The following GAREM1 variants were observed in gnomAD, a reference collection of about 807,000 sequenced individuals.
GAREM1 encodes GRB2-associated and regulator of MAPK protein 1.
A neutral mutation model predicts 71.3 loss-of-function variants in GAREM1; 26 were observed. That is an observed-to-expected ratio of 0.36 (90% confidence interval 0.27 to 0.51). GAREM1 has a LOEUF of 0.51. GAREM1 is among the 20% of genes least tolerant of loss of function. GAREM1 has a pLI of 0.95. For synonymous variants in GAREM1, 440 were observed against 433.2 expected (o/e 1.02, Z -0.20); for missense variants, 1,026 against 1,103.1 (o/e 0.93, Z 0.99).
At chr18:32,429,367 T>G (rs1303634362) in intron 1 of GAREM1, among the ~76,000 whole-genome samples, 2 of 152,236 alleles carry the variant, frequency 1.3e-5, no homozygotes. Flanking sequence ...GGATTATTTC[T>G]ATCATAAGAA....
At chr18:32,319,598 A>G (rs970549735) in intron 2 of GAREM1, among the ~76,000 whole-genome samples, 9 of 152,222 alleles carry the variant, frequency 5.9e-5, no homozygotes, top group African/African-American at 2.2e-4. Flanking sequence ...AGACTTTTAA[A>G]GACTGCCTAA....
chr18:32,442,819 T>C (rs920315874), intron 1 of GAREM1, among the ~76,000 whole-genome samples: 4 of 152,176 alleles, frequency 2.6e-5, no homozygotes, highest in African/African-American at 9.7e-5. Context: ...GATATTGTTC[T>C]AGAACAGAGA....
intron 1 of GAREM1, among the ~76,000 whole-genome samples, chr18:32,445,016 C>A (rs2048773335): frequency 6.6e-6 from 1 of 152,088 alleles, no homozygotes. Flanking sequence ...CTGTCCATGA[C>A]CTGAGATCCC....
At chr18:32,460,440 T>G (rs1296084535) in intron 1 of GAREM1, among the ~76,000 whole-genome samples, 2 of 152,216 alleles carry the variant, frequency 1.3e-5, no homozygotes, top group East Asian at 3.8e-4. Flanking sequence ...GGTTAACAAT[T>G]AGCAGAATCA....
chr18:32,375,847 T>G (rs894541102), intron 2 of GAREM1, among the ~76,000 whole-genome samples: 1 of 152,204 alleles, frequency 6.6e-6, no homozygotes, highest in Non-Finnish European at 1.5e-5. Flanking sequence ...AAAAACTTGA[T>G]TGGGGCAGCG....
chr18:32,286,321 AGTGTGTGTGTGTGTGT>A (rs140225815), intron 4 of GAREM1, among the ~76,000 whole-genome samples: 13 of 143,122 alleles, frequency 9.1e-5, no homozygotes, highest in East Asian at 2.1e-4. Flanking sequence ...CTGGTTCTGG[AGTGTGTGTGTGTGTGT>A]GTGTGTGTGT....
rs2041349632 is a variant in GAREM1 at position 32,264,716 on chromosome 18, A to G, written c.*3155T>C. 2 of 152,254 alleles carry G rather than the reference A, an allele frequency of 1.3e-5. No homozygotes were observed. The highest frequency in any genetic ancestry group is 4.8e-5 in the African/African-American group (2 of 41,462). The allele number at this position is 152,254 out of a possible 1,614,324, so 9.4% of individuals were successfully genotyped here. A position where few individuals can be genotyped will look rare whatever the true frequency, so the allele number is the denominator to read the frequency against. On this transcript the variant is annotated 3_prime_UTR_variant, in exon 6 of 6. Coordinates refer to ENST00000269209, the MANE Select transcript of GAREM1 (RefSeq NM_001242409.2). ...CACAGTTCATAAAGTTGAGCAGCTC[A>G]ACTTAAAGAAGAGAAAACTTGCAAG...
Position 32,268,811 on chromosome 18 carries a change from A to T in GAREM1, c.1734-43T>A, listed in dbSNP as rs189217104. ...AAGGAGAAATCAGTTAAAAGAAAAA[A>T]GCCAAATCCCAAGGCTTTTGTTATT... On this transcript the variant is annotated intron_variant, in intron 5 of 5. Transcript: ENST00000269209. 10 of 1,545,508 alleles carry T rather than the reference A, an allele frequency of 6.5e-6. No homozygotes were observed. The Admixed American group carries it at 1.8e-4, about 28-fold the overall frequency.
intron 2 of GAREM1, among the ~76,000 whole-genome samples, chr18:32,343,406 C>A (rs938044183): frequency 6.6e-6 from 1 of 150,898 alleles, no homozygotes. Flanking sequence ...CCTATACCTC[C>A]TGGGTTCAAG....
chr18:32,437,036 G>T (rs2048686920), intron 1 of GAREM1, among the ~76,000 whole-genome samples: 1 of 152,174 alleles, frequency 6.6e-6, no homozygotes, highest in African/African-American at 2.4e-5. Flanking sequence ...CAGGTAGAGA[G>T]AAAGTAACTC....
Position 32,287,269 on chromosome 18 carries a change from G to A in GAREM1, c.1328C>T (p.Ala443Val). The change falls in exon 4 of 6, where the codon GCA becomes GTA. Residue 443 changes from alanine to valine, a missense_variant. Ala to Val is a moderately conservative substitution (Grantham distance 64). Coordinates refer to ENST00000269209, the MANE Select transcript of GAREM1 (RefSeq NM_001242409.2). The surrounding 1 kb of genome is among the most constrained non-coding windows in gnomAD (Gnocchi z 5.9). ...AAGTTCTGACTTTCCCGGGATGCCT[G>A]CTGATTCTTCACTAGCTTCTGGGAA... The part of the protein sequence containing the change: ...YLFPEASEES[A>V]GIPGKSELPY... 6.2e-7 allele frequency: 1 copy of A among 1,614,210 alleles called. No homozygotes were observed. Among genetic ancestry groups the A allele is most frequent in the Non-Finnish European group, 8.5e-7 (1 of 1,180,036 alleles).
intron 2 of GAREM1, among the ~76,000 whole-genome samples, chr18:32,311,234 T>C (rs866227997): frequency 6.6e-6 from 1 of 152,224 alleles, no homozygotes; most frequent in African/African-American, 2.4e-5. Context: ...TGTTTCTTAG[T>C]AGTTATTTTC....
At chr18:32,289,233 C>G (rs1046883857) in intron 3 of GAREM1, among the ~76,000 whole-genome samples, 1 of 152,086 alleles carries the variant, frequency 6.6e-6, no homozygotes, top group African/African-American at 2.4e-5. Context: ...TGTGAGCCAC[C>G]ACACCTGGCT....
chr18:32,414,989 CAAAT>C (rs1166170643), intron 1 of GAREM1, among the ~76,000 whole-genome samples: 1 of 151,806 alleles, frequency 6.6e-6, no homozygotes, highest in African/African-American at 2.4e-5. Context: ...GGAGAAGACT[CAAAT>C]AAATAAAATT....
Position 32,450,480 on chromosome 18 carries a change from C to A in GAREM1, c.121+19828G>T, listed in dbSNP as rs911750973. On this transcript the variant is annotated intron_variant, in intron 1 of 5. Coordinates refer to ENST00000269209, the MANE Select transcript of GAREM1 (RefSeq NM_001242409.2). ...TGTAACCACAAGCATTAACCTTGAT[C>A]TTTTACCATCATCAGCACTGGCTCA... Among the ~76,000 whole-genome samples, 5 of 151,976 alleles carry A rather than the reference C, an allele frequency of 3.3e-5. No individual in the cohort carries two copies. In the East Asian group the frequency reaches 7.7e-4, roughly 23 times the overall value.
chr18:32,336,090 G>A (rs1002257323), intron 2 of GAREM1, among the ~76,000 whole-genome samples: 3 of 152,192 alleles, frequency 2.0e-5, no homozygotes, highest in East Asian at 3.9e-4. Flanking sequence ...GATCGGTTTC[G>A]TTATCTGTAA....
intron 1 of GAREM1, among the ~76,000 whole-genome samples, chr18:32,424,071 G>A (rs1443252383): frequency 6.6e-6 from 1 of 152,022 alleles, no homozygotes; most frequent in Non-Finnish European, 1.5e-5. Flanking sequence ...AGGAGATAGA[G>A]GCTGCAGTGA....
At chr18:32,342,926 A>G (rs964503102) in intron 2 of GAREM1, among the ~76,000 whole-genome samples, 1 of 152,160 alleles carries the variant, frequency 6.6e-6, no homozygotes, top group Non-Finnish European at 1.5e-5. Context: ...GTACTAAACA[A>G]TTTGGCAGAT....
chr18:32,394,134 C>CA (rs2048229006), intron 1 of GAREM1, among the ~76,000 whole-genome samples: 1 of 152,152 alleles, frequency 6.6e-6, no homozygotes, highest in Non-Finnish European at 1.5e-5. Context: ...CTTGGCCTGG[C>CA]ATGGTGGCTC....
Sources: gnomAD v4.1 joint callset for allele counts (sites outside exome capture counted in the v4.1 genomes callset) on GRCh38, gnomAD v4.1.1 for gene constraint, Gnocchi (gnomAD v3.1) non-coding constraint, MANE v1.5 for transcripts, NCBI Gene and HGNC (gene_info 2026-07-23, HGNC 2026-07-21) for gene names.